The following NF1 variants were observed in gnomAD, a reference collection of about 807,000 sequenced individuals.
NF1 encodes neurofibromin 1.
In NF1, 122 loss-of-function variants were observed where a neutral mutation model predicts 325.7. That is an observed-to-expected ratio of 0.37 (90% CI 0.32 to 0.44). The LOEUF is 0.44. Among genes scored for constraint, NF1 ranks in the 20% least tolerant of loss-of-function variants. The pLI is 1.00. For synonymous variants in NF1, 1,091 were observed against 1,186.0 expected, an observed-to-expected ratio of 0.92 and a Z score of 1.65; for missense variants, 2,140 against 3,415.4, an observed-to-expected ratio of 0.63 and a Z score of 9.31.
chr17:31,217,460 C>T (rs1477543807), intron 13 of NF1, among the ~76,000 whole-genome samples: 6 of 151,642 alleles, frequency 4.0e-5, no homozygotes, highest in East Asian at 2.0e-4. Context: ...TACAAGCACC[C>T]GCCACCAAAC....
intron 8 of NF1, among the ~76,000 whole-genome samples, chr17:31,199,894 G>A (rs1457991751): frequency 6.6e-6 from 1 of 152,164 alleles, no homozygotes; most frequent in Non-Finnish European, 1.5e-5. Context: ...CTAGCACTTT[G>A]GGAGGCTGAG....
intron 1 of NF1, among the ~76,000 whole-genome samples, chr17:31,150,645 AATTGT>A (rs1461829879): frequency 2.0e-5 from 3 of 152,194 alleles, no homozygotes; most frequent in Non-Finnish European, 4.4e-5. Flanking sequence ...TCATTTTGAT[AATTGT>A]ATTGTATCTA....
chr17:31,250,893 A>T (rs1239630169), intron 30 of NF1: 1 of 189,158 alleles, frequency 5.3e-6, no homozygotes, highest in East Asian at 8.5e-5. Context: ...TTATGTTAAA[A>T]TTTCACATAA....
At chr17:31,106,697 A>C (rs1180833122) in intron 1 of NF1, among the ~76,000 whole-genome samples, 1 of 152,194 alleles carries the variant, frequency 6.6e-6, no homozygotes, top group Non-Finnish European at 1.5e-5. Flanking sequence ...AATTTTAAGC[A>C]TTATATATCC....
intron 1 of NF1, among the ~76,000 whole-genome samples, chr17:31,150,306 G>A (rs553441128): frequency 6.6e-6 from 1 of 152,246 alleles, no homozygotes; most frequent in South Asian, 2.1e-4. Flanking sequence ...TTACCCTTTA[G>A]ACCAACTCTA....
At chr17:31,341,211 T>C (rs1168473420) in intron 47 of NF1, among the ~76,000 whole-genome samples, 1 of 152,168 alleles carries the variant, frequency 6.6e-6, no homozygotes, top group African/African-American at 2.4e-5. Flanking sequence ...TTTTTTATTC[T>C]GTCTAATCTT....
At position 31,359,401 on chromosome 17, in the gene NF1, A is replaced by G. The variant is rs17882339; in HGVS notation, c.8160+386A>G. The G allele has an allele frequency of 7.0e-3, 1,498 of 213,606 alleles. 24 individuals carry two copies. The highest frequency in any genetic ancestry group is 0.033 in the African/African-American group (1,394 of 42,446). 13.2% of individuals were successfully genotyped at this position (213,606 alleles called of 1,614,324 possible). A position where few individuals can be genotyped will look rare whatever the true frequency, so the allele number is the denominator to read the frequency against. On this transcript the variant is annotated intron_variant, in intron 56 of 57. Coordinates refer to ENST00000358273, the MANE Select transcript of NF1 (RefSeq NM_001042492.3). ...ATGAAAACATTTTTATTTCCAGCCT[A>G]TTAGATTAGATTAATTTCTCTCTGG...
In NF1 at chr17:31,191,076, G is replaced by A. The variant is rs540015331; in HGVS notation, c.888+8411G>A. 2.0e-5 allele frequency among the ~76,000 whole-genome samples: 3 copies of A among 152,222 alleles called. No homozygotes were observed. In the East Asian group the frequency reaches 5.8e-4, roughly 29 times the overall value. On this transcript the variant is annotated intron_variant, in intron 8 of 57. Coordinates refer to ENST00000358273, the MANE Select transcript of NF1 (RefSeq NM_001042492.3). ...CGTACCTCAATAAAGCTGAAAAAAT[G>A]TCATTCAGAAAGGAAGCAAACAGTA...
At chr17:31,112,935 G>C (rs922643648) in intron 1 of NF1, among the ~76,000 whole-genome samples, 1 of 152,088 alleles carries the variant, frequency 6.6e-6, no homozygotes, top group Non-Finnish European at 1.5e-5. Flanking sequence ...CTATGTGCCT[G>C]TTATGCCAAT....
intron 4 of NF1, among the ~76,000 whole-genome samples, chr17:31,164,243 T>C (rs1018286672): frequency 4.6e-5 from 7 of 152,252 alleles, no homozygotes; most frequent in Non-Finnish European, 1.0e-4. Context: ...TTATAAAATA[T>C]ACTTCTGTTT....
rs201153017 is a variant in NF1 at position 31,340,591 on chromosome 17, A to G, written c.7008A>G (p.Ala2336=). The change falls in exon 47 of 58, where the codon GCA becomes GCG. Residue 2336 remains alanine, a synonymous_variant. Coordinates refer to ENST00000358273, the MANE Select transcript of NF1 (RefSeq NM_001042492.3). The part of the protein sequence containing the change: ...DEVNLYSAGT[A]LLEQNLHTLD... ...TCAACTTGTATTCAGCAGGTACCGC[A>G]CTTCTTGAACAAAACCTGCATACTT... is the stretch of plus-strand genomic sequence containing the variant. The G allele has an allele frequency of 6.2e-7, 1 of 1,614,134 alleles. No individual in the cohort carries two copies. The highest frequency in any genetic ancestry group is 2.2e-5 in the East Asian group (1 of 44,880).
rs2151544392 is a variant in NF1, at chr17:31,330,298, C to G, written c.5612C>G (p.Ser1871Ter). ...NLGSSDPSLRSAAYNLLCALT... is the reference protein window; with the variant it reads ...NLGSSDPSLR ...ACTTCATTTGTGTTTTCTCCTAGGT[C>G]AGCTGCCTATAATCTTCTGTGTGCC... The change falls in exon 39 of 58, where the codon TCA becomes TGA. Residue 1871 changes from serine to a stop codon, truncating the protein, a stop_gained and splice_region_variant. Transcript: ENST00000358273. LOFTEE classifies it high-confidence loss of function. The G allele has an allele frequency of 6.2e-7, 1 of 1,613,860 alleles. No homozygotes were observed. Among genetic ancestry groups the G allele is most frequent in the Non-Finnish European group, 8.5e-7 (1 of 1,179,810 alleles).
At chr17:31,163,441 C>T (rs2065797738) in intron 4 of NF1, 65 bp downstream of exon 4, 1 of 1,536,114 alleles carries the variant, frequency 6.5e-7, no homozygotes, top group Non-Finnish European at 9.0e-7. Flanking sequence ...TGTTTTTTGT[C>T]TACATAAAAA....
At chr17:31,124,253 C>T (rs1289120332) in intron 1 of NF1, among the ~76,000 whole-genome samples, 1 of 151,510 alleles carries the variant, frequency 6.6e-6, no homozygotes, top group Non-Finnish European at 1.5e-5. Context: ...TTTGCAGAGC[C>T]AGGGCCTTGC....
At chr17:31,123,966 TG>T (rs952342915) in intron 1 of NF1, among the ~76,000 whole-genome samples, 3 of 152,110 alleles carry the variant, frequency 2.0e-5, no homozygotes, top group African/African-American at 7.2e-5. Context: ...ATTTTTCTTT[TG>T]GGGGGATATT....
At chr17:31,261,945 A>C (rs768879155) in intron 35 of NF1, 88 bp downstream of exon 35, 45 of 1,300,772 alleles carry the variant, frequency 3.5e-5, no homozygotes, top group Non-Finnish European at 4.9e-5. Flanking sequence ...ATATGATAGA[A>C]GACTATGAGG....
intron 52 of NF1, 37 bp from the exon 53 acceptor site, chr17:31,356,923 A>C: frequency 1.2e-6 from 2 of 1,612,642 alleles, no homozygotes; most frequent in Admixed American, 3.3e-5. Flanking sequence ...GTGATTATCC[A>C]GGTGTTTGAT....
At chr17:31,356,653 T>C (rs1597865964) in intron 52 of NF1, 71 bp downstream of exon 52, 4 of 1,589,268 alleles carry the variant, frequency 2.5e-6, no homozygotes, top group Non-Finnish European at 8.6e-7. Flanking sequence ...ATGTTTATTT[T>C]CCAGCCATTT....
chr17:31,319,376 A>C (rs1368495601), intron 36 of NF1, among the ~76,000 whole-genome samples: 1 of 151,338 alleles, frequency 6.6e-6, no homozygotes, highest in East Asian at 1.9e-4. Flanking sequence ...CCTTCTTTAA[A>C]AAAAAAAAAA....
Sources: allele counts gnomAD v4.1 joint callset (sites outside exome capture counted in the v4.1 genomes callset), GRCh38; gene constraint gnomAD v4.1.1; transcripts MANE v1.5; gene names NCBI Gene and HGNC (gene_info 2026-07-23, HGNC 2026-07-21).